The following TPH2 variants were observed in gnomAD, a reference collection of about 807,000 sequenced individuals.
TPH2 encodes the protein tryptophan 5-hydroxylase 2.
A neutral mutation model predicts 59.1 loss-of-function variants in TPH2; 27 were observed. The ratio of observed to expected loss-of-function variants is 0.46; its 90% CI spans 0.34 to 0.63. The LOEUF is 0.63. Ranked by LOEUF, TPH2 falls within the 30% of genes least tolerant of loss-of-function variation. The probability of loss-of-function intolerance (pLI) is 0.01; values close to 1 mark genes in which losing one functional copy is unlikely to be tolerated. For missense variants in TPH2, 523 were observed against 588.3 expected (o/e 0.89, Z 1.15); for synonymous variants, 220 against 210.5 (o/e 1.05, Z -0.39).
chr12:72,031,890 C>G lies in TPH2; in HGVS notation c.*195C>G, dbSNP rs1873733921. The G allele has an allele frequency of 3.1e-6, 2 of 644,906 alleles. No individual in the cohort carries two copies. The highest frequency in any genetic ancestry group is 2.5e-5 in the Admixed American group (1 of 40,594). 39.9% of individuals were successfully genotyped at this position (644,906 alleles called of 1,614,324 possible). ...AGAAATCCAATGGCAGATAACCACTCATTGTATGAAATAACGTATTATGTT... is the reference window on the plus strand; with the variant it reads ...AGAAATCCAATGGCAGATAACCACTGATTGTATGAAATAACGTATTATGTT... On this transcript the variant is annotated 3_prime_UTR_variant, in exon 11 of 11. Coordinates refer to ENST00000333850, the MANE Select transcript of TPH2 (RefSeq NM_173353.4).
At chr12:72,019,524 T>C (rs1007848549) in intron 8 of TPH2, among the ~76,000 whole-genome samples, 2 of 152,222 alleles carry the variant, frequency 1.3e-5, no homozygotes, top group Non-Finnish European at 2.9e-5. Flanking sequence ...TGTTTGCAGC[T>C]TAAACAATAC....
chr12:71,998,753 C>T (rs764956007), intron 8 of TPH2, among the ~76,000 whole-genome samples: 1 of 152,088 alleles, frequency 6.6e-6, no homozygotes, highest in African/African-American at 2.4e-5. Flanking sequence ...AGCTGATTTC[C>T]TCAAAGTTGT....
chr12:72,018,519 C>T (rs762564291), intron 8 of TPH2, among the ~76,000 whole-genome samples: 1 of 152,072 alleles, frequency 6.6e-6, no homozygotes, highest in Admixed American at 6.6e-5. Flanking sequence ...ATAAATGTGA[C>T]CATGAATTAT....
chr12:72,022,434 G>A lies in TPH2; in HGVS notation c.1104G>A (p.Lys368=). ...YFFTIEFGLC[K]QEGQLRAYGA... ...TCACAATCGAGTTTGGCCTTTGCAAGCAAGAAGGGCAACTGCGGGCATATG... is the reference window on the plus strand; with the variant it reads ...TCACAATCGAGTTTGGCCTTTGCAAACAAGAAGGGCAACTGCGGGCATATG... The change falls in exon 9 of 11, where the codon AAG becomes AAA. Residue 368 remains lysine, a synonymous_variant. Coordinates refer to ENST00000333850, the MANE Select transcript of TPH2 (RefSeq NM_173353.4). 1.2e-6 allele frequency: 2 copies of A among 1,614,044 alleles called. No homozygotes were observed. Among genetic ancestry groups the A allele is most frequent in the Non-Finnish European group, 1.7e-6 (2 of 1,179,934 alleles).
At chr12:71,988,225 G>A (rs974679254) in intron 7 of TPH2, among the ~76,000 whole-genome samples, 69 of 152,182 alleles carry the variant, frequency 4.5e-4, no homozygotes, top group African/African-American at 1.6e-3. Context: ...TAATTACACT[G>A]AACTTGGAGA....
At chr12:71,999,405 T>A (rs1372611242) in intron 8 of TPH2, among the ~76,000 whole-genome samples, 2 of 152,208 alleles carry the variant, frequency 1.3e-5, no homozygotes, top group Non-Finnish European at 2.9e-5. Flanking sequence ...GGATAATAAA[T>A]AAGACCACTG....
intron 1 of TPH2, 124 bp downstream of exon 1, chr12:71,939,215 C>T (rs1870985629): frequency 1.3e-6 from 1 of 753,854 alleles, no homozygotes; most frequent in African/African-American, 1.7e-5. Context: ...TCTTTATAAT[C>T]TGTCTACCCT....
chr12:71,975,686 T>C (rs1481692632), intron 6 of TPH2, among the ~76,000 whole-genome samples: 1 of 152,236 alleles, frequency 6.6e-6, no homozygotes, highest in Non-Finnish European at 1.5e-5. Flanking sequence ...GAATCTTGAT[T>C]ATAGAAGCCA....
At chr12:71,954,408 C>G (rs1259181922) in intron 5 of TPH2, among the ~76,000 whole-genome samples, 1 of 152,178 alleles carries the variant, frequency 6.6e-6, no homozygotes, top group Admixed American at 6.6e-5. Flanking sequence ...AGGACACTTT[C>G]TAAAATCATC....
chr12:72,022,152 T>C (rs915251288), intron 8 of TPH2, among the ~76,000 whole-genome samples: 7 of 152,210 alleles, frequency 4.6e-5, no homozygotes, highest in Non-Finnish European at 1.0e-4. Flanking sequence ...ATAATTTGAC[T>C]CATAGGGCTT....
intron 7 of TPH2, among the ~76,000 whole-genome samples, chr12:71,988,349 A>C (rs1872495985): frequency 6.6e-6 from 1 of 152,190 alleles, no homozygotes; most frequent in Non-Finnish European, 1.5e-5. Flanking sequence ...GAGACTGGGA[A>C]ATTTGTAAAG....
chr12:72,014,704 A>G lies in TPH2; in HGVS notation c.1069-7695A>G, dbSNP rs1342847215. Among the ~76,000 whole-genome samples, 3 of 152,098 alleles carry G rather than the reference A, an allele frequency of 2.0e-5. No homozygotes were observed. In the East Asian group the frequency reaches 5.8e-4, roughly 29 times the overall value. On this transcript the variant is annotated intron_variant, in intron 8 of 10. Transcript: ENST00000333850. ...CCGTGCCCGGCCCAGAAAAATTTTT[A>G]ACTCAAGAATGCTTGCCCTGCAAAA...
At chr12:71,988,556 T>A (rs1283741761) in intron 7 of TPH2, among the ~76,000 whole-genome samples, 3 of 152,132 alleles carry the variant, frequency 2.0e-5, no homozygotes, top group African/African-American at 7.2e-5. Flanking sequence ...TCGGGAGAAC[T>A]CACTCACTAT....
chr12:71,952,883 G>A (rs1414893417), intron 5 of TPH2, among the ~76,000 whole-genome samples: 1 of 152,160 alleles, frequency 6.6e-6, no homozygotes, highest in Non-Finnish European at 1.5e-5. Flanking sequence ...GATTATAAAT[G>A]TCACTTATAT....
At chr12:71,977,223 A>AT (rs1180916331) in intron 6 of TPH2, among the ~76,000 whole-genome samples, 1 of 151,952 alleles carries the variant, frequency 6.6e-6, no homozygotes, top group Non-Finnish European at 1.5e-5. Flanking sequence ...ATGCCAGCTC[A>AT]TTTTTTTATT....
intron 3 of TPH2, 53 bp from the exon 4 acceptor site, chr12:71,944,533 G>C: frequency 1.2e-6 from 2 of 1,613,592 alleles, no homozygotes; most frequent in Non-Finnish European, 1.7e-6. Flanking sequence ...TATTGCAAAG[G>C]GGAAAACACA....
At chr12:71,941,872 T>C (rs911139354) in intron 2 of TPH2, 139 bp downstream of exon 2, 29 of 956,510 alleles carry the variant, frequency 3.0e-5, no homozygotes, top group Middle Eastern at 5.2e-4. Context: ...TTCGTGAGGC[T>C]TTAAAAGGGG....
intron 6 of TPH2, among the ~76,000 whole-genome samples, chr12:71,975,134 G>A (rs1872080976): frequency 6.6e-6 from 1 of 152,134 alleles, no homozygotes; most frequent in African/African-American, 2.4e-5. Context: ...ATCACTTGAG[G>A]TCAGGAGTTC....
At chr12:71,968,494 C>T (rs568746126) in intron 5 of TPH2, among the ~76,000 whole-genome samples, 6 of 152,340 alleles carry the variant, frequency 3.9e-5, no homozygotes, top group Non-Finnish European at 7.3e-5. Context: ...CCGTGGTACA[C>T]CATCCTCCCA....
Sources: gnomAD v4.1 joint callset for allele counts (sites outside exome capture counted in the v4.1 genomes callset) on GRCh38, gnomAD v4.1.1 for gene constraint, MANE v1.5 for transcripts, NCBI Gene and HGNC (gene_info 2026-07-23, HGNC 2026-07-21) for gene names.